The following F13A1 variants were observed in gnomAD, a reference collection of about 807,000 sequenced individuals.
F13A1 encodes coagulation factor XIII A chain, also known as FSF, A subunit.
F13A1 carries 47 observed loss-of-function variants against 80.1 expected under a neutral mutation model. The ratio of observed to expected loss-of-function variants is 0.59; its 90% confidence interval spans 0.46 to 0.75. The LOEUF (loss-of-function observed/expected upper bound fraction) is 0.75, where lower values mean the gene tolerates loss of function less well. F13A1 is among the 30% of genes least tolerant of loss of function. The probability of loss-of-function intolerance (pLI) is 0.00; values close to 1 mark genes in which losing one functional copy is unlikely to be tolerated. For synonymous variants in F13A1, 349 were observed against 344.9 expected (o/e 1.01, Z -0.13); for missense variants, 817 against 930.4 (o/e 0.88, Z 1.59).
At chr6:6,221,733 T>C (rs993811612) in intron 8 of F13A1, among the ~76,000 whole-genome samples, 14 of 152,310 alleles carry the variant, frequency 9.2e-5, no homozygotes, top group African/African-American at 3.4e-4. Context: ...AACTGTAATA[T>C]TAATATATCA....
chr6:6,179,157 A>C (rs1583057842), intron 11 of F13A1, among the ~76,000 whole-genome samples: 1 of 152,210 alleles, frequency 6.6e-6, no homozygotes, highest in Admixed American at 6.5e-5. Flanking sequence ...AGGTGGAAAT[A>C]ACAGTGACCC....
chr6:6,195,922 A>G lies in F13A1; in HGVS notation c.1217-37T>C, dbSNP rs200317911. 6.5e-4 allele frequency: 1,031 copies of G among 1,583,886 alleles called. 7 individuals carry two copies. Among genetic ancestry groups the G allele is most frequent in the South Asian group, 6.5e-3 (582 of 90,078 alleles). ...AGAGGAAGGGCGGTGTGAGTTTGTC[A>G]TCTCCAATTCTGTCCAGATACTGCA... On this transcript the variant is annotated intron_variant, in intron 9 of 14. Coordinates refer to ENST00000264870, the MANE Select transcript of F13A1 (RefSeq NM_000129.4).
intron 10 of F13A1, among the ~76,000 whole-genome samples, chr6:6,191,091 G>A (rs7738517): frequency 0.022 from 3,424 of 152,264 alleles, 76 homozygotes; most frequent in African/African-American, 0.075. Flanking sequence ...GCTCGCGCAC[G>A]GTGCGTGCAC....
Position 6,145,779 on chromosome 6 carries a change from G to T in F13A1, c.2046-7C>A, listed in dbSNP as rs779415586. Reference sequence around the variant, plus strand: ...GGAGTTGGGCCGGATTTCACTGAAAGGATGGAAAAGAGAGGAGAGGTTGGA... The same window carrying T: ...GGAGTTGGGCCGGATTTCACTGAAATGATGGAAAAGAGAGGAGAGGTTGGA... On this transcript the variant is annotated splice_region_variant and splice_polypyrimidine_tract_variant and intron_variant, in intron 14 of 14. Transcript: ENST00000264870. 6.2e-7 allele frequency: 1 copy of T among 1,613,996 alleles called. No individual in the cohort carries two copies. Among genetic ancestry groups the T allele is most frequent in the South Asian group, 1.1e-5 (1 of 91,064 alleles).
chr6:6,271,903 C>A (rs1414769527), intron 3 of F13A1, among the ~76,000 whole-genome samples: 1 of 152,258 alleles, frequency 6.6e-6, no homozygotes, highest in Non-Finnish European at 1.5e-5. Context: ...TTAATCCCCC[C>A]AGCTGGGATG....
intron 3 of F13A1, among the ~76,000 whole-genome samples, chr6:6,267,841 T>C (rs1212346800): frequency 6.6e-6 from 1 of 152,244 alleles, no homozygotes; most frequent in African/African-American, 2.4e-5. Flanking sequence ...AAGCACTCTT[T>C]GTACCTGTTA....
At chr6:6,237,802 C>T (rs1484193106) in intron 6 of F13A1, among the ~76,000 whole-genome samples, 3 of 152,148 alleles carry the variant, frequency 2.0e-5, no homozygotes, top group Non-Finnish European at 2.9e-5. Flanking sequence ...ACTTTATATT[C>T]CCAGGGCTAG....
intron 3 of F13A1, among the ~76,000 whole-genome samples, chr6:6,279,754 G>A (rs1758036432): frequency 6.6e-6 from 1 of 152,182 alleles, no homozygotes; most frequent in Non-Finnish European, 1.5e-5. Flanking sequence ...AGCAGAATGA[G>A]CCTTCTAGGT....
At chr6:6,264,172 AAT>A (rs1002528551) in intron 4 of F13A1, among the ~76,000 whole-genome samples, 1 of 152,220 alleles carries the variant, frequency 6.6e-6, no homozygotes, top group Non-Finnish European at 1.5e-5. Context: ...CCTGAAAGTT[AAT>A]ATGTCAAGCA....
At chr6:6,316,366 C>A (rs1758686951) in intron 2 of F13A1, among the ~76,000 whole-genome samples, 1 of 151,658 alleles carries the variant, frequency 6.6e-6, no homozygotes, top group South Asian at 2.1e-4. Context: ...ATTCTACAGT[C>A]ACTGGACATT....
At chr6:6,237,554 T>C (rs1451615111) in intron 6 of F13A1, among the ~76,000 whole-genome samples, 4 of 152,186 alleles carry the variant, frequency 2.6e-5, no homozygotes. Context: ...GGAATGTCCA[T>C]CCACACTCAA....
At chr6:6,295,527 G>A (rs1249777529) in intron 3 of F13A1, among the ~76,000 whole-genome samples, 11 of 146,710 alleles carry the variant, frequency 7.5e-5, no homozygotes, top group Non-Finnish European at 1.0e-4. Context: ...GTGTTTTTTG[G>A]CTGCATAAAT....
At chr6:6,264,646 C>A (rs920845786) in intron 4 of F13A1, among the ~76,000 whole-genome samples, 1 of 152,150 alleles carries the variant, frequency 6.6e-6, no homozygotes, top group African/African-American at 2.4e-5. Flanking sequence ...TTTGTCATTT[C>A]TGCTGTCTAT....
At chr6:6,149,102 C>A (rs1760330618) in intron 14 of F13A1, among the ~76,000 whole-genome samples, 1 of 151,862 alleles carries the variant, frequency 6.6e-6, no homozygotes, top group Admixed American at 6.6e-5. Context: ...CCAATGAGAA[C>A]AAAGTGACAA....
chr6:6,234,010 T>C (rs1475951110), intron 6 of F13A1, among the ~76,000 whole-genome samples: 1 of 152,052 alleles, frequency 6.6e-6, no homozygotes, highest in Non-Finnish European at 1.5e-5. Flanking sequence ...TGAGGAAATG[T>C]TGAAAGCCAT....
intron 7 of F13A1, among the ~76,000 whole-genome samples, chr6:6,222,887 T>G (rs951498270): frequency 6.6e-6 from 1 of 152,214 alleles, no homozygotes; most frequent in Non-Finnish European, 1.5e-5. Flanking sequence ...AAGTCCAAAC[T>G]GGAGTCTGGT....
chr6:6,155,130 G>A (rs1760450261), intron 13 of F13A1, among the ~76,000 whole-genome samples: 1 of 152,160 alleles, frequency 6.6e-6, no homozygotes, highest in Non-Finnish European at 1.5e-5. Flanking sequence ...AGGGGCCCAT[G>A]AACCCTAGAT....
intron 6 of F13A1, among the ~76,000 whole-genome samples, chr6:6,245,658 C>G (rs1182593106): frequency 6.6e-6 from 1 of 152,140 alleles, no homozygotes; most frequent in Non-Finnish European, 1.5e-5. Flanking sequence ...CCACAGTAAG[C>G]AAATTTGTCT....
At chr6:6,150,861 G>C (rs1322435350) in intron 14 of F13A1, among the ~76,000 whole-genome samples, 1 of 152,196 alleles carries the variant, frequency 6.6e-6, no homozygotes, top group Non-Finnish European at 1.5e-5. Flanking sequence ...GAGAGAGAGA[G>C]AGAGCTGAAA....
Sources: allele counts gnomAD v4.1 joint callset (sites outside exome capture counted in the v4.1 genomes callset), GRCh38; gene constraint gnomAD v4.1.1; transcripts MANE v1.5; gene names NCBI Gene and HGNC (gene_info 2026-07-23, HGNC 2026-07-21).